The following PDE4B variants were observed in gnomAD, a reference collection of about 807,000 sequenced individuals.
The protein encoded by PDE4B is phosphodiesterase 4B.
A neutral mutation model predicts 82.2 loss-of-function variants in PDE4B; 20 were observed. That is an observed-to-expected ratio of 0.24 (90% CI 0.17 to 0.35). The LOEUF (loss-of-function observed/expected upper bound fraction) is 0.35. Ranked by LOEUF, PDE4B falls within the 10% of genes least tolerant of loss-of-function variation. The pLI, the probability that PDE4B is intolerant of heterozygous loss-of-function variation, is 1.00. For missense variants in PDE4B, 655 were observed against 907.2 expected, an observed-to-expected ratio of 0.72 and a Z score of 3.57; for synonymous variants, 320 against 318.9, an observed-to-expected ratio of 1.00 and a Z score of -0.04.
intron 7 of PDE4B, among the ~76,000 whole-genome samples, chr1:66,322,664 T>C (rs973868552): frequency 1.8e-4 from 28 of 151,892 alleles, no homozygotes; most frequent in Non-Finnish European, 4.0e-4. Flanking sequence ...AAACAACACA[T>C]GCTGGAGAGG....
At chr1:65,992,366 T>C (rs1218316234) in intron 3 of PDE4B, 1 of 152,214 alleles carries the variant, frequency 6.6e-6, no homozygotes, top group South Asian at 2.1e-4. Flanking sequence ...GTAGGTGGAG[T>C]TACTGTTGTG....
At chr1:66,284,942 C>T (rs544640315) in intron 7 of PDE4B, among the ~76,000 whole-genome samples, 13 of 152,262 alleles carry the variant, frequency 8.5e-5, no homozygotes, top group South Asian at 4.1e-4. Context: ...GCTACAGTGA[C>T]AGGAAGCAGA....
intron 3 of PDE4B, among the ~76,000 whole-genome samples, chr1:66,056,347 A>G (rs1276919980): frequency 6.6e-6 from 1 of 150,814 alleles, no homozygotes; most frequent in Non-Finnish European, 1.5e-5. Flanking sequence ...AGAAGGGCAT[A>G]TGACTGTGGA....
chr1:66,157,591 T>G (rs1487168671), intron 3 of PDE4B, among the ~76,000 whole-genome samples: 17 of 152,204 alleles, frequency 1.1e-4, no homozygotes, highest in Admixed American at 1.1e-3. Flanking sequence ...TACTCAAAGG[T>G]AATCTCTCTT....
intron 3 of PDE4B, among the ~76,000 whole-genome samples, chr1:66,098,156 C>A (rs1291102996): frequency 6.6e-6 from 1 of 152,124 alleles, no homozygotes; most frequent in Non-Finnish European, 1.5e-5. Flanking sequence ...TTTCCTCTCA[C>A]ACAATTGCAT....
chr1:66,006,902 C>T (rs1652182626), intron 3 of PDE4B, among the ~76,000 whole-genome samples: 1 of 152,084 alleles, frequency 6.6e-6, no homozygotes, highest in Admixed American at 6.6e-5. Flanking sequence ...ATTACCCAGT[C>T]TCAGGTATTT....
intron 3 of PDE4B, among the ~76,000 whole-genome samples, chr1:66,066,767 A>G (rs944629830): frequency 2.0e-5 from 3 of 151,954 alleles, no homozygotes; most frequent in Non-Finnish European, 4.4e-5. Context: ...CTATTATTTA[A>G]GAATGTTGGC....
chr1:65,839,272 TCTC>T (rs1646179893), intron 1 of PDE4B, among the ~76,000 whole-genome samples: 4 of 152,092 alleles, frequency 2.6e-5, no homozygotes, highest in African/African-American at 9.7e-5. Flanking sequence ...TTTTTAGTAT[TCTC>T]CTATTATCTT....
At chr1:66,238,104 GA>G (rs1431045706) in intron 3 of PDE4B, among the ~76,000 whole-genome samples, 1 of 152,214 alleles carries the variant, frequency 6.6e-6, no homozygotes, top group African/African-American at 2.4e-5. Flanking sequence ...CAGCCATCCA[GA>G]GAGTAGAGGA....
chr1:66,117,020 C>G (rs1340957960), intron 3 of PDE4B, among the ~76,000 whole-genome samples: 1 of 152,130 alleles, frequency 6.6e-6, no homozygotes, highest in African/African-American at 2.4e-5. Context: ...TGCCCCATAC[C>G]CTCTCTTGAT....
intron 3 of PDE4B, among the ~76,000 whole-genome samples, chr1:66,158,855 T>G (rs1357560386): frequency 2.6e-5 from 4 of 152,174 alleles, no homozygotes; most frequent in Admixed American, 1.3e-4. Flanking sequence ...AGACAAATAC[T>G]GCATGATCTC....
intron 3 of PDE4B, among the ~76,000 whole-genome samples, chr1:66,091,103 A>G (rs1160147350): frequency 6.6e-6 from 1 of 152,002 alleles, no homozygotes; most frequent in Non-Finnish European, 1.5e-5. Flanking sequence ...CCTTTCAGAC[A>G]TGACAAACAG....
intron 1 of PDE4B, among the ~76,000 whole-genome samples, chr1:65,886,858 T>C (rs1403772005): frequency 6.6e-6 from 1 of 152,184 alleles, no homozygotes; most frequent in African/African-American, 2.4e-5. Context: ...ATCCCTTTTA[T>C]ACACTTATTT....
At chr1:65,870,355 T>G (rs1193704475) in intron 1 of PDE4B, among the ~76,000 whole-genome samples, 2 of 152,136 alleles carry the variant, frequency 1.3e-5, no homozygotes, top group Admixed American at 1.3e-4. Flanking sequence ...ATTTCTCCAG[T>G]CTTTCATTAA....
chr1:66,106,812 A>C (rs530087119), intron 3 of PDE4B, among the ~76,000 whole-genome samples: 1 of 118,442 alleles, frequency 8.4e-6, no homozygotes, highest in Non-Finnish European at 1.9e-5. Context: ...TATTGCATCT[A>C]TTTGATTCTT....
At chr1:66,249,287 G>A (rs1033705051) in intron 4 of PDE4B, among the ~76,000 whole-genome samples, 1 of 152,172 alleles carries the variant, frequency 6.6e-6, no homozygotes, top group East Asian at 1.9e-4. Flanking sequence ...AGGTCATGTG[G>A]TGAGCTCAAA....
intron 1 of PDE4B, among the ~76,000 whole-genome samples, chr1:65,796,768 G>A (rs569983033): frequency 1.2e-4 from 18 of 149,892 alleles, no homozygotes; most frequent in African/African-American, 4.4e-4. Flanking sequence ...TCCTGCCTTA[G>A]CTTCCTGAGT....
intron 3 of PDE4B, among the ~76,000 whole-genome samples, chr1:66,028,679 A>G (rs1653590331): frequency 6.6e-6 from 1 of 152,190 alleles, no homozygotes; most frequent in Non-Finnish European, 1.5e-5. Flanking sequence ...TTCTTCCATC[A>G]GATACCCTAA....
At position 65,869,651 on chromosome 1, in the gene PDE4B, TG is replaced by T. The variant is rs1646550757; in HGVS notation, c.-70-43592del. 2.0e-5 allele frequency among the ~76,000 whole-genome samples: 3 copies of T among 152,296 alleles called. No individual in the cohort carries two copies. The South Asian group carries it at 6.2e-4, about 32-fold the overall frequency. ...CACTCTGTTTTTCTGAGAGGGAGGC[TG>T]GATGGTTTGCGTACATTTGTTAGTA... On this transcript the variant is annotated intron_variant, in intron 1 of 16. Coordinates refer to ENST00000341517, the MANE Select transcript of PDE4B (RefSeq NM_002600.4).
Sources: allele counts gnomAD v4.1 joint callset (sites outside exome capture counted in the v4.1 genomes callset), GRCh38; gene constraint gnomAD v4.1.1; transcripts MANE v1.5; gene names NCBI Gene and HGNC (gene_info 2026-07-23, HGNC 2026-07-21).